The following SYN3 variants were observed in gnomAD, a reference collection of about 807,000 sequenced individuals.
The protein encoded by SYN3 is synapsin-3.
SYN3 carries 35 observed loss-of-function variants against 65.8 expected under a neutral mutation model. The ratio of observed to expected loss-of-function variants is 0.53; its 90% CI spans 0.41 to 0.70. The LOEUF is 0.70. SYN3 is among the 30% of genes least tolerant of loss of function. The pLI is 0.00. For missense variants in SYN3, 680 were observed against 749.0 expected (o/e 0.91, Z 1.08); for synonymous variants, 270 against 292.9 (o/e 0.92, Z 0.80).
chr22:32,780,099 A>C (rs909721752), intron 6 of SYN3, among the ~76,000 whole-genome samples: 2 of 147,358 alleles, frequency 1.4e-5, no homozygotes, highest in Admixed American at 6.8e-5. Context: ...AAAAAGAGAA[A>C]AAAAACAGAA....
At chr22:32,742,451 G>A (rs1254600038) in intron 6 of SYN3, among the ~76,000 whole-genome samples, 2 of 152,098 alleles carry the variant, frequency 1.3e-5, no homozygotes, top group Non-Finnish European at 1.5e-5. Flanking sequence ...TTCAATACTC[G>A]CTGGCTTGGC....
chr22:32,680,689 C>T (rs1463068066), intron 6 of SYN3, among the ~76,000 whole-genome samples: 7 of 152,344 alleles, frequency 4.6e-5, no homozygotes, highest in Admixed American at 2.0e-4. Context: ...CCTATTTGTT[C>T]AGAGTTGTAA....
At chr22:32,802,576 C>G (rs1293809333) in intron 6 of SYN3, among the ~76,000 whole-genome samples, 1 of 152,030 alleles carries the variant, frequency 6.6e-6, no homozygotes, top group Non-Finnish European at 1.5e-5. Flanking sequence ...TGGAGTACTC[C>G]GAGTCTGCAT....
At chr22:32,861,939 A>C (rs952431348) in intron 6 of SYN3, 2 of 152,616 alleles carry the variant, frequency 1.3e-5, no homozygotes, top group Non-Finnish European at 2.9e-5. Context: ...TGAAACCCAC[A>C]TGCCGCCATT....
At chr22:32,805,665 A>G (rs575566514) in intron 6 of SYN3, among the ~76,000 whole-genome samples, 4 of 139,880 alleles carry the variant, frequency 2.9e-5, no homozygotes, top group African/African-American at 1.1e-4. Context: ...TAGGTATTGC[A>G]CCCATTTTTC....
At position 32,507,871 on chromosome 22, in the gene SYN3, A is replaced by T. The variant is rs1453308926; in HGVS notation, c.*5821T>A. Among the ~76,000 whole-genome samples the T allele has an allele frequency of 6.6e-6, 1 of 151,856 alleles. No individual in the cohort carries two copies. Among genetic ancestry groups the T allele is most frequent in the Non-Finnish European group, 1.5e-5 (1 of 67,994 alleles). On this transcript the variant is annotated 3_prime_UTR_variant, in exon 14 of 14. Coordinates refer to ENST00000358763, the MANE Select transcript of SYN3 (RefSeq NM_003490.4). Reference sequence around the variant, plus strand: ...CAAATGTTTCTTCTAACATCCCCACAATATCACCCCTTACCACGAGACCTC... The same window carrying T: ...CAAATGTTTCTTCTAACATCCCCACTATATCACCCCTTACCACGAGACCTC...
At chr22:32,847,431 T>A (rs2048098243) in intron 6 of SYN3, among the ~76,000 whole-genome samples, 1 of 152,156 alleles carries the variant, frequency 6.6e-6, no homozygotes. Context: ...GCTAAATTGC[T>A]CACTTTGCCA....
chr22:32,989,455 C>T (rs959446594), intron 2 of SYN3, among the ~76,000 whole-genome samples: 1 of 152,172 alleles, frequency 6.6e-6, no homozygotes, highest in African/African-American at 2.4e-5. Context: ...TAAATGAAAC[C>T]TTGCTTGGTG....
chr22:32,630,932 G>C (rs2059738445), intron 6 of SYN3, among the ~76,000 whole-genome samples: 1 of 152,140 alleles, frequency 6.6e-6, no homozygotes, highest in South Asian at 2.1e-4. Flanking sequence ...AGCTGACCTT[G>C]GCTCTGAATT....
At chr22:32,724,473 T>C (rs1215009398) in intron 6 of SYN3, among the ~76,000 whole-genome samples, 1 of 152,174 alleles carries the variant, frequency 6.6e-6, no homozygotes, top group East Asian at 1.9e-4. Flanking sequence ...TACCTAACCT[T>C]TCTGTGCCTC....
intron 3 of SYN3, among the ~76,000 whole-genome samples, chr22:32,965,768 C>T (rs1399402295): frequency 6.6e-6 from 1 of 152,122 alleles, no homozygotes; most frequent in Admixed American, 6.5e-5. Flanking sequence ...GATCTCGGCT[C>T]ACTGCAAGCT....
intron 6 of SYN3, among the ~76,000 whole-genome samples, chr22:32,767,108 CCTA>C (rs1188870322): frequency 3.3e-5 from 5 of 152,260 alleles, no homozygotes; most frequent in Admixed American, 3.3e-4. Flanking sequence ...TGACTCAATC[CCTA>C]CTGCGCATCA....
intron 6 of SYN3, among the ~76,000 whole-genome samples, chr22:32,819,716 A>T (rs911405810): frequency 6.6e-6 from 1 of 152,182 alleles, no homozygotes; most frequent in African/African-American, 2.4e-5. Flanking sequence ...GTCTCCCAGC[A>T]TATCTTTTGT....
chr22:32,744,230 G>A (rs1227962589), intron 6 of SYN3, among the ~76,000 whole-genome samples: 1 of 152,070 alleles, frequency 6.6e-6, no homozygotes, highest in African/African-American at 2.4e-5. Context: ...TCCCTCGTTG[G>A]GGACTCATTT....
chr22:32,552,118 C>T (rs1054614105), intron 7 of SYN3, among the ~76,000 whole-genome samples: 4 of 152,150 alleles, frequency 2.6e-5, no homozygotes, highest in African/African-American at 9.7e-5. Flanking sequence ...TGGTGGCGGG[C>T]GCCTGTAATC....
In SYN3 at chr22:32,641,129, C is replaced by G. The variant is rs184832760; in HGVS notation, c.712-44393G>C. Among the ~76,000 whole-genome samples, 25 of 152,284 alleles carry G rather than the reference C, an allele frequency of 1.6e-4. No individual in the cohort carries two copies. The East Asian group carries it at 4.7e-3, about 28-fold the overall frequency. On this transcript the variant is annotated intron_variant, in intron 6 of 13. Coordinates refer to ENST00000358763, the MANE Select transcript of SYN3 (RefSeq NM_003490.4). ...GCATCATCATATATGAGAAACACCT[C>G]AATACATTGAGCACGAACGTCAACA...
In SYN3 at chr22:32,980,491, G is replaced by A. The variant is rs191965390; in HGVS notation, c.369+154C>T. Among the ~76,000 whole-genome samples the A allele has an allele frequency of 1.4e-4, 22 of 152,280 alleles. No individual in the cohort carries two copies. In the East Asian group the frequency reaches 3.7e-3, roughly 25 times the overall value. On this transcript the variant is annotated intron_variant, in intron 3 of 13. Transcript: ENST00000358763. ...GGAAACCACTGGCCCAAACAATTCT[G>A]AAATTTAATGAGACTCCCAAGTATA...
intron 6 of SYN3, among the ~76,000 whole-genome samples, chr22:32,843,900 G>A (rs1368226979): frequency 6.6e-6 from 1 of 151,956 alleles, no homozygotes; most frequent in Non-Finnish European, 1.5e-5. Context: ...TCATTCTATG[G>A]GGTCTTTGGA....
At chr22:32,549,826 T>C (rs966939027) in intron 7 of SYN3, among the ~76,000 whole-genome samples, 1 of 150,820 alleles carries the variant, frequency 6.6e-6, no homozygotes, top group Admixed American at 6.6e-5. Flanking sequence ...GAGGTGGAGG[T>C]TGCAGTGAGC....
Sources: allele counts gnomAD v4.1 joint callset (sites outside exome capture counted in the v4.1 genomes callset), GRCh38; gene constraint gnomAD v4.1.1; transcripts MANE v1.5; gene names NCBI Gene and HGNC (gene_info 2026-07-23, HGNC 2026-07-21).